DPY19L1: variants seen among roughly 807,000 people sequenced by gnomAD.
The protein encoded by DPY19L1 is dpy-19 like C-mannosyltransferase 1.
A neutral mutation model predicts 96.9 loss-of-function variants in DPY19L1; 35 were observed. The observed-to-expected ratio is 0.36, with a 90% CI of 0.28 to 0.48. The LOEUF (loss-of-function observed/expected upper bound fraction) is 0.48. Ranked by LOEUF, DPY19L1 falls within the 20% of genes least tolerant of loss-of-function variation. The pLI is 0.99. For synonymous variants in DPY19L1, 205 were observed against 252.6 expected, an observed-to-expected ratio of 0.81 and a Z score of 1.79; for missense variants, 521 against 777.9, an observed-to-expected ratio of 0.67 and a Z score of 3.93.
In DPY19L1 at chr7:34,928,882, C is replaced by T. The variant is rs1169526852; in HGVS notation, c.*2691G>A. On this transcript the variant is annotated 3_prime_UTR_variant, in exon 22 of 22. Coordinates refer to ENST00000638088, the MANE Select transcript of DPY19L1 (RefSeq NM_001366673.1). ...TAACAATCAAGAAAAACACTTCCCTCATTACTCATGATTTTTTTTAATTTA... is the reference window on the plus strand; with the variant it reads ...TAACAATCAAGAAAAACACTTCCCTTATTACTCATGATTTTTTTTAATTTA... 6.6e-6 allele frequency: 1 copy of T among 152,172 alleles called. No individual in the cohort carries two copies. The highest frequency in any genetic ancestry group is 6.5e-5 in the Admixed American group (1 of 15,276). The allele number at this position is 152,172 out of a possible 1,614,324, so 9.4% of individuals were successfully genotyped here.
intron 1 of DPY19L1, among the ~76,000 whole-genome samples, chr7:35,022,743 T>A (rs1035547515): frequency 3.9e-5 from 6 of 152,126 alleles, no homozygotes; most frequent in African/African-American, 1.4e-4. Flanking sequence ...CATGTCCTAA[T>A]AACCTCAATT....
At chr7:34,994,915 A>G (rs1225798398) in intron 6 of DPY19L1, among the ~76,000 whole-genome samples, 1 of 152,148 alleles carries the variant, frequency 6.6e-6, no homozygotes, top group African/African-American at 2.4e-5. Context: ...GAGGTTGGAC[A>G]ATTTCCTGAG....
At chr7:35,031,146 T>C (rs1179322475) in intron 1 of DPY19L1, among the ~76,000 whole-genome samples, 1 of 152,218 alleles carries the variant, frequency 6.6e-6, no homozygotes, top group Non-Finnish European at 1.5e-5. Flanking sequence ...TATGACAATG[T>C]AGATTTAGTC....
chr7:35,007,409 G>C (rs1584252011), intron 6 of DPY19L1, among the ~76,000 whole-genome samples: 6 of 152,308 alleles, frequency 3.9e-5, no homozygotes, highest in African/African-American at 1.4e-4. Flanking sequence ...GCAGTCAAAT[G>C]GGCAGAGTGA....
At chr7:34,977,735 T>C (rs761547708) in intron 7 of DPY19L1, among the ~76,000 whole-genome samples, 1 of 152,206 alleles carries the variant, frequency 6.6e-6, no homozygotes, top group Non-Finnish European at 1.5e-5. Flanking sequence ...AAATAAAAAG[T>C]GTGACAGTTT....
intron 11 of DPY19L1, among the ~76,000 whole-genome samples, chr7:34,956,456 C>T (rs1784381079): frequency 6.6e-6 from 1 of 151,586 alleles, no homozygotes; most frequent in African/African-American, 2.4e-5. Context: ...AAGGCACAAC[C>T]TGAAAAGGGT....
At chr7:34,951,598 T>TA (rs1199720876) in intron 13 of DPY19L1, among the ~76,000 whole-genome samples, 1 of 151,042 alleles carries the variant, frequency 6.6e-6, no homozygotes, top group East Asian at 1.9e-4. Flanking sequence ...GATCAGAAAA[T>TA]AAGAGAGGTA....
At chr7:35,020,026 G>C (rs1298340668) in intron 1 of DPY19L1, among the ~76,000 whole-genome samples, 1 of 152,120 alleles carries the variant, frequency 6.6e-6, no homozygotes, top group African/African-American at 2.4e-5. Flanking sequence ...CAGCTACTCA[G>C]GAAGGCTGAG....
At chr7:34,990,913 C>T (rs900133109) in intron 6 of DPY19L1, among the ~76,000 whole-genome samples, 4 of 152,100 alleles carry the variant, frequency 2.6e-5, no homozygotes, top group Admixed American at 6.5e-5. Flanking sequence ...ATGGTATAGG[C>T]ATCAAAGGCC....
chr7:34,940,467 A>C lies in DPY19L1; in HGVS notation c.1690-140T>G, dbSNP rs529361576. 2.1e-4 allele frequency: 138 copies of C among 659,096 alleles called. No individual in the cohort carries two copies. In the African/African-American group the frequency reaches 2.3e-3, roughly 11 times the overall value. 40.8% of individuals were successfully genotyped at this position (659,096 alleles called of 1,614,324 possible). A position where few individuals can be genotyped will look rare whatever the true frequency, so the allele number is the denominator to read the frequency against. ...TTAATTATCCTAAAGAAAAAGCCCCAAAATAATAATCTTTGGGATCAAAAG... is the reference window on the plus strand; with the variant it reads ...TTAATTATCCTAAAGAAAAAGCCCCCAAATAATAATCTTTGGGATCAAAAG... On this transcript the variant is annotated intron_variant, in intron 18 of 21. Coordinates refer to ENST00000638088, the MANE Select transcript of DPY19L1 (RefSeq NM_001366673.1).
intron 6 of DPY19L1, among the ~76,000 whole-genome samples, chr7:35,008,532 T>C (rs1287257008): frequency 6.6e-6 from 1 of 152,186 alleles, no homozygotes; most frequent in African/African-American, 2.4e-5. Flanking sequence ...AATTCTTCTT[T>C]CAATTAAAAA....
At chr7:34,975,676 G>A (rs1784815938) in intron 7 of DPY19L1, among the ~76,000 whole-genome samples, 1 of 152,152 alleles carries the variant, frequency 6.6e-6, no homozygotes, top group South Asian at 2.1e-4. Flanking sequence ...TCAGTGGCTG[G>A]CTTCAAAACA....
chr7:35,008,686 A>C (rs1263496048), intron 6 of DPY19L1, among the ~76,000 whole-genome samples: 1 of 152,164 alleles, frequency 6.6e-6, no homozygotes, highest in Non-Finnish European at 1.5e-5. Flanking sequence ...CCTGGGTAAC[A>C]ATATAGCAAG....
At chr7:35,018,501 T>C in intron 2 of DPY19L1, 71 bp downstream of exon 2, 1 of 1,345,298 alleles carries the variant, frequency 7.4e-7, no homozygotes, top group South Asian at 1.2e-5. Flanking sequence ...TTCCTTTAAA[T>C]GTATGGGAAA....
Position 34,971,075 on chromosome 7 carries a change from C to T in DPY19L1, c.915-1543G>A, listed in dbSNP as rs1323914467. Among the ~76,000 whole-genome samples, 46 of 152,274 alleles carry T rather than the reference C, an allele frequency of 3.0e-4. 1 individual carries two copies. Among genetic ancestry groups the T allele is most frequent in the Admixed American group, 3.0e-3 (46 of 15,282 alleles). On this transcript the variant is annotated intron_variant, in intron 8 of 21. Transcript: ENST00000638088. ...CACTGCAGCCTGCATCAACACTGCT[C>T]AGCTTCTTCTTGCCTCCACCAAGCC... is the stretch of plus-strand genomic sequence containing the variant.
At chr7:34,981,943 C>G (rs1784948723) in intron 7 of DPY19L1, among the ~76,000 whole-genome samples, 1 of 152,088 alleles carries the variant, frequency 6.6e-6, no homozygotes. Flanking sequence ...GAGTGAGACC[C>G]TGTCTCAAAA....
At chr7:35,010,127 G>A (rs1053583427) in intron 6 of DPY19L1, among the ~76,000 whole-genome samples, 2 of 151,196 alleles carry the variant, frequency 1.3e-5, no homozygotes, top group Non-Finnish European at 3.0e-5. Flanking sequence ...CTACTCAGGA[G>A]GCTGAAGTGG....
intron 1 of DPY19L1, among the ~76,000 whole-genome samples, chr7:35,022,024 GAATA>G (rs1786006600): frequency 6.6e-6 from 1 of 152,062 alleles, no homozygotes; most frequent in Admixed American, 6.5e-5. Context: ...TATAATTTAA[GAATA>G]AAAACGGAAA....
chr7:35,037,565 G>C (rs1372005211), upstream of DPY19L1: 3 of 302,822 alleles, frequency 9.9e-6, no homozygotes, highest in Non-Finnish European at 1.8e-5. Context: ...TGGAGGCCGG[G>C]CGGCTGCTGC....
Sources: gnomAD v4.1 joint callset for allele counts (sites outside exome capture counted in the v4.1 genomes callset) on GRCh38, gnomAD v4.1.1 for gene constraint, MANE v1.5 for transcripts, NCBI Gene and HGNC (gene_info 2026-07-23, HGNC 2026-07-21) for gene names.